Variants in PTPRD observed in about 807,000 individuals in gnomAD.
PTPRD encodes protein tyrosine phosphatase receptor type D.
Under a neutral mutation model 214.5 loss-of-function variants are expected in PTPRD, and 34 were observed. The observed-to-expected ratio is 0.16, with a 90% CI of 0.12 to 0.21. The LOEUF (loss-of-function observed/expected upper bound fraction) is 0.21. PTPRD is among the 10% of genes least tolerant of loss of function. The pLI is 1.00. For missense variants in PTPRD, 2,545 were observed against 2,398.7 expected (o/e 1.06, Z -1.27); for synonymous variants, 1,128 against 845.7 (o/e 1.33, Z -5.79).
At chr9:9,825,121 T>C (rs970614560) in intron 5 of PTPRD, among the ~76,000 whole-genome samples, 5 of 152,012 alleles carry the variant, frequency 3.3e-5, no homozygotes, top group African/African-American at 1.2e-4. Context: ...TGTTATTTAT[T>C]TGATGAAATA....
chr9:9,749,882 G>A (rs1003976549), intron 6 of PTPRD, among the ~76,000 whole-genome samples: 7 of 152,058 alleles, frequency 4.6e-5, no homozygotes, highest in African/African-American at 1.4e-4. Context: ...GTTGAAGTTG[G>A]ATTTAGCTAA....
chr9:9,327,687 T>C (rs532750407), intron 9 of PTPRD, among the ~76,000 whole-genome samples: 8 of 152,226 alleles, frequency 5.3e-5, no homozygotes, highest in Admixed American at 2.0e-4. Flanking sequence ...GACTTTCCTA[T>C]ATTGTTGTAA....
At chr9:9,972,574 C>T (rs1157752089) in intron 4 of PTPRD, among the ~76,000 whole-genome samples, 1 of 152,146 alleles carries the variant, frequency 6.6e-6, no homozygotes, top group Non-Finnish European at 1.5e-5. Context: ...ATTATATACA[C>T]ATTACAAATA....
intron 3 of PTPRD, among the ~76,000 whole-genome samples, chr9:10,281,355 T>TAAGGCTGGCTCTCACCTTTCACAGTTAA (rs369995134): frequency 0.021 from 3,124 of 152,198 alleles, 122 homozygotes; most frequent in African/African-American, 0.071. Flanking sequence ...TTTAGAAAAA[T>TAAGGCTGGCTCTCACCTTTCACAGTTAA]AAGGCTGGCT....
intron 7 of PTPRD, among the ~76,000 whole-genome samples, chr9:9,642,553 G>A (rs1051744576): frequency 1.3e-5 from 2 of 152,030 alleles, no homozygotes; most frequent in Non-Finnish European, 2.9e-5. Context: ...CCTTCTCTCT[G>A]TAACTGTTTG....
In PTPRD at chr9:10,423,388, G is replaced by A. The variant is rs190328065; in HGVS notation, c.-599-82371C>T. Among the ~76,000 whole-genome samples the A allele has an allele frequency of 5.1e-4, 77 of 151,916 alleles. 1 individual carries two copies. In the East Asian group the frequency reaches 0.014, roughly 28 times the overall value. ...GTTAATGTGTGCAGCAAACCAACAT[G>A]GCACATGTATACATATGTAACAAAC... On this transcript the variant is annotated intron_variant, in intron 2 of 45. Transcript: ENST00000381196.
intron 7 of PTPRD, among the ~76,000 whole-genome samples, chr9:9,646,464 T>G (rs2096180606): frequency 6.6e-6 from 1 of 152,098 alleles, no homozygotes; most frequent in African/African-American, 2.4e-5. Flanking sequence ...ATCTGCCTGT[T>G]TCCTCTGTCT....
intron 11 of PTPRD, among the ~76,000 whole-genome samples, chr9:8,755,232 AC>A (rs1253834077): frequency 0.043 from 6,442 of 149,576 alleles, 357 homozygotes; most frequent in African/African-American, 0.13. Flanking sequence ...AAAAAAAAAA[AC>A]AAAAAAAACA....
intron 3 of PTPRD, among the ~76,000 whole-genome samples, chr9:10,189,577 T>C (rs187651507): frequency 4.6e-5 from 7 of 152,246 alleles, no homozygotes; most frequent in African/African-American, 1.7e-4. Flanking sequence ...GAAGTGTGCA[T>C]GCGAGGAATT....
intron 3 of PTPRD, among the ~76,000 whole-genome samples, chr9:10,152,759 A>T (rs1301727259): frequency 6.6e-6 from 1 of 152,138 alleles, no homozygotes; most frequent in Non-Finnish European, 1.5e-5. Flanking sequence ...TGGAAGGCGG[A>T]GGTTGTGGTG....
chr9:8,903,135 T>C (rs1198558144), intron 11 of PTPRD, among the ~76,000 whole-genome samples: 1 of 150,526 alleles, frequency 6.6e-6, no homozygotes, highest in African/African-American at 2.4e-5. Flanking sequence ...GGCTTAGGGA[T>C]CTATCTTATT....
chr9:8,915,836 C>G (rs781681172), intron 11 of PTPRD, among the ~76,000 whole-genome samples: 6 of 152,192 alleles, frequency 3.9e-5, no homozygotes, highest in Non-Finnish European at 8.8e-5. Flanking sequence ...CAAATGTTAG[C>G]TTCATCTAAT....
intron 3 of PTPRD, among the ~76,000 whole-genome samples, chr9:10,231,216 G>C (rs979012807): frequency 2.6e-5 from 4 of 151,852 alleles, no homozygotes; most frequent in African/African-American, 9.7e-5. Flanking sequence ...ATGCTTTCAT[G>C]TATGATGAAG....
At chr9:10,406,138 G>A (rs140197843) in intron 2 of PTPRD, among the ~76,000 whole-genome samples, 197 of 150,964 alleles carry the variant, frequency 1.3e-3, no homozygotes, top group African/African-American at 4.5e-3. Context: ...ATATTTTCTC[G>A]GCTAGAGAAA....
intron 9 of PTPRD, among the ~76,000 whole-genome samples, chr9:9,316,656 G>C (rs1251004422): frequency 6.6e-6 from 1 of 152,072 alleles, no homozygotes; most frequent in Non-Finnish European, 1.5e-5. Flanking sequence ...TTTCTTCCAA[G>C]AATTGTAGCA....
intron 8 of PTPRD, among the ~76,000 whole-genome samples, chr9:9,485,532 AT>A (rs1322435590): frequency 6.6e-6 from 1 of 152,082 alleles, no homozygotes; most frequent in Non-Finnish European, 1.5e-5. Flanking sequence ...TATTCACTGC[AT>A]TTTTTCCAAT....
chr9:8,670,634 A>G (rs2097264800), intron 12 of PTPRD, among the ~76,000 whole-genome samples: 1 of 152,156 alleles, frequency 6.6e-6, no homozygotes, highest in Admixed American at 6.5e-5. Context: ...GCATAATAAA[A>G]TTTGTTTTTT....
intron 9 of PTPRD, among the ~76,000 whole-genome samples, chr9:9,270,051 GA>G (rs1942182372): frequency 6.6e-6 from 1 of 150,496 alleles, no homozygotes; most frequent in Non-Finnish European, 1.5e-5. Flanking sequence ...TTATATACTG[GA>G]AATTTGCTAA....
At chr9:9,084,763 G>A (rs928063170) in intron 10 of PTPRD, among the ~76,000 whole-genome samples, 2 of 152,024 alleles carry the variant, frequency 1.3e-5, no homozygotes, top group Admixed American at 1.3e-4. Context: ...ACTTGAAAGA[G>A]GAAGAGTAGA....
Sources: allele counts gnomAD v4.1 joint callset (sites outside exome capture counted in the v4.1 genomes callset), GRCh38; gene constraint gnomAD v4.1.1; transcripts MANE v1.5; gene names NCBI Gene and HGNC (gene_info 2026-07-23, HGNC 2026-07-21).